Variants in RAB27B observed in about 807,000 individuals in gnomAD.
The protein encoded by RAB27B is RAB27B, member RAS oncogene family.
In RAB27B, 15 loss-of-function variants were observed where a neutral mutation model predicts 24.6. The ratio of observed to expected loss-of-function variants is 0.61; its 90% CI spans 0.41 to 0.94. The LOEUF is 0.94. Ranked by LOEUF, RAB27B falls within the 40% of genes least tolerant of loss-of-function variation. The pLI is 0.00. For missense variants in RAB27B, 261 were observed against 266.8 expected, an observed-to-expected ratio of 0.98 and a Z score of 0.15; for synonymous variants, 105 against 92.5, an observed-to-expected ratio of 1.14 and a Z score of -0.78.
At chr18:54,760,923 T>C (rs1445704435) in intron 2 of RAB27B, among the ~76,000 whole-genome samples, 1 of 151,716 alleles carries the variant, frequency 6.6e-6, no homozygotes, top group African/African-American at 2.4e-5. Context: ...CTTTAGATCA[T>C]ATATAGGAAG....
chr18:54,726,494 G>C (rs1388925570), intron 2 of RAB27B, among the ~76,000 whole-genome samples: 1 of 151,336 alleles, frequency 6.6e-6, no homozygotes, highest in Non-Finnish European at 1.5e-5. Context: ...CTCCATCACT[G>C]TTCTTCCTGT....
chr18:54,775,322 G>A (rs972944848), intron 2 of RAB27B, among the ~76,000 whole-genome samples: 10 of 152,216 alleles, frequency 6.6e-5, no homozygotes, highest in African/African-American at 2.2e-4. Flanking sequence ...ATCTGGAATT[G>A]ATGCCAAATT....
chr18:54,751,639 A>G (rs1907834482), intron 2 of RAB27B, among the ~76,000 whole-genome samples: 1 of 152,182 alleles, frequency 6.6e-6, no homozygotes, highest in Non-Finnish European at 1.5e-5. Flanking sequence ...GAGGTTGAGT[A>G]AAAAACCAGA....
chr18:54,889,468 C>CATTTTTT lies in RAB27B; in HGVS notation c.*56_*57insTTTTTTA. 1 of 1,462,808 alleles carries CATTTTTT rather than the reference C, an allele frequency of 6.8e-7. No homozygotes were observed. The highest frequency in any genetic ancestry group is 9.2e-7 in the Non-Finnish European group (1 of 1,086,616). The allele number at this position is 1,462,808 out of a possible 1,614,324, so 90.6% of individuals were successfully genotyped here. A position where few individuals can be genotyped will look rare whatever the true frequency, so the allele number is the denominator to read the frequency against. ...CCCACCAAAATATTACTTTTAAAAACAATGACAAACCACACAATTGTTGTT... is the reference window on the plus strand; with the variant it reads ...CCCACCAAAATATTACTTTTAAAAACATTTTTTAATGACAAACCACACAATTGTTGTT... On this transcript the variant is annotated 3_prime_UTR_variant, in exon 6 of 6. Transcript: ENST00000262094.
At chr18:54,848,899 G>A (rs1180797795) in intron 1 of RAB27B, among the ~76,000 whole-genome samples, 1 of 151,868 alleles carries the variant, frequency 6.6e-6, no homozygotes, top group African/African-American at 2.4e-5. Flanking sequence ...CTTTCATTTT[G>A]TTCTTTCAAA....
chr18:54,887,237 C>T (rs1318710402), intron 4 of RAB27B, among the ~76,000 whole-genome samples: 2 of 151,720 alleles, frequency 1.3e-5, no homozygotes, highest in Admixed American at 1.3e-4. Flanking sequence ...GGAAAGGTAA[C>T]AACTTCCTAA....
At chr18:54,804,609 A>G (rs181100503) in intron 2 of RAB27B, among the ~76,000 whole-genome samples, 5 of 152,290 alleles carry the variant, frequency 3.3e-5, no homozygotes, top group Non-Finnish European at 5.9e-5. Context: ...CGGTGTCAAG[A>G]TCATGAGGGT....
chr18:54,769,406 T>C (rs911449098), intron 2 of RAB27B, among the ~76,000 whole-genome samples: 5 of 152,138 alleles, frequency 3.3e-5, no homozygotes, highest in African/African-American at 9.7e-5. Flanking sequence ...ACCATTTCAA[T>C]TTGATCTTCT....
chr18:54,737,804 AT>A (rs1909944866), intron 2 of RAB27B, among the ~76,000 whole-genome samples: 1 of 152,214 alleles, frequency 6.6e-6, no homozygotes, highest in Admixed American at 6.5e-5. Flanking sequence ...ACTAAATAAT[AT>A]TGAAGAGGCA....
At chr18:54,771,121 G>A (rs1360352460) in intron 2 of RAB27B, among the ~76,000 whole-genome samples, 1 of 152,072 alleles carries the variant, frequency 6.6e-6, no homozygotes, top group Non-Finnish European at 1.5e-5. Context: ...TGTATTTTTT[G>A]CCACTATCCA....
At chr18:54,874,232 C>G (rs531273284) in intron 1 of RAB27B, among the ~76,000 whole-genome samples, 13 of 152,198 alleles carry the variant, frequency 8.5e-5, no homozygotes, top group South Asian at 6.2e-4. Flanking sequence ...TTCCCCTCCA[C>G]GCTATAAGGT....
At chr18:54,882,554 T>C (rs2145282200) in intron 3 of RAB27B, among the ~76,000 whole-genome samples, 1 of 152,334 alleles carries the variant, frequency 6.6e-6, no homozygotes, top group East Asian at 1.9e-4. Context: ...AAGTGTTATT[T>C]CCTCTGATAC....
chr18:54,763,967 C>T (rs1327811332), intron 2 of RAB27B, among the ~76,000 whole-genome samples: 1 of 152,152 alleles, frequency 6.6e-6, no homozygotes, highest in African/African-American at 2.4e-5. Context: ...GAATTTGTCA[C>T]CTCTAATCAA....
chr18:54,839,232 C>T (rs924051466), intron 1 of RAB27B, among the ~76,000 whole-genome samples: 1 of 152,076 alleles, frequency 6.6e-6, no homozygotes, highest in African/African-American at 2.4e-5. Flanking sequence ...TTGAATATAA[C>T]AGGGTTCAAG....
intron 2 of RAB27B, among the ~76,000 whole-genome samples, chr18:54,730,731 C>T (rs776139980): frequency 6.6e-6 from 1 of 152,146 alleles, no homozygotes; most frequent in Admixed American, 6.5e-5. Flanking sequence ...TCACCTTCTG[C>T]CATGAGTAAA....
chr18:54,869,193 A>G lies in RAB27B; in HGVS notation c.-19-8374A>G, dbSNP rs948284994. On this transcript the variant is annotated intron_variant, in intron 1 of 5. Transcript: ENST00000262094. ...TTTTCAGATGGAATCCATTAGGAGT[A>G]TCTGTCAATATTGTTCTGCATCTGG... 8.5e-5 allele frequency among the ~76,000 whole-genome samples: 13 copies of G among 152,352 alleles called. No homozygotes were observed. The East Asian group carries it at 2.5e-3, about 29-fold the overall frequency.
chr18:54,821,024 G>A (rs1910293065), intron 2 of RAB27B, among the ~76,000 whole-genome samples: 2 of 152,114 alleles, frequency 1.3e-5, no homozygotes, highest in South Asian at 2.1e-4. Context: ...CTGTAGCTGT[G>A]AAGAAAGTCA....
chr18:54,867,627 A>G (rs1230692288), intron 1 of RAB27B, among the ~76,000 whole-genome samples: 1 of 151,236 alleles, frequency 6.6e-6, no homozygotes, highest in Non-Finnish European at 1.5e-5. Context: ...TTGTATTCTT[A>G]GTAGAGACAG....
chr18:54,732,825 T>C (rs1400745623), intron 2 of RAB27B, among the ~76,000 whole-genome samples: 1 of 152,168 alleles, frequency 6.6e-6, no homozygotes, highest in African/African-American at 2.4e-5. Flanking sequence ...CCTCTATAGG[T>C]TAACAAGCAA....
Sources: gnomAD v4.1 joint callset for allele counts (sites outside exome capture counted in the v4.1 genomes callset) on GRCh38, gnomAD v4.1.1 for gene constraint, MANE v1.5 for transcripts, NCBI Gene and HGNC (gene_info 2026-07-23, HGNC 2026-07-21) for gene names.